NCAM2: variants seen among roughly 807,000 people sequenced by gnomAD.
The protein encoded by NCAM2 is N-CAM-2.
A neutral mutation model predicts 98.1 loss-of-function variants in NCAM2; 30 were observed. The ratio of observed to expected loss-of-function variants is 0.31; its 90% CI spans 0.23 to 0.41. The LOEUF is 0.41. Ranked by LOEUF, NCAM2 falls within the 10% of genes least tolerant of loss-of-function variation. The pLI is 1.00. For missense variants in NCAM2, 867 were observed against 1,005.8 expected, an observed-to-expected ratio of 0.86 and a Z score of 1.87; for synonymous variants, 368 against 342.4, an observed-to-expected ratio of 1.07 and a Z score of -0.83.
At chr21:21,108,920 G>T (rs941376080) in intron 1 of NCAM2, among the ~76,000 whole-genome samples, 2 of 152,046 alleles carry the variant, frequency 1.3e-5, no homozygotes, top group African/African-American at 4.8e-5. Context: ...TAACTCTCGG[G>T]TATCACCATA....
chr21:21,136,371 C>G (rs2067049778), intron 1 of NCAM2, among the ~76,000 whole-genome samples: 1 of 152,128 alleles, frequency 6.6e-6, no homozygotes, highest in Non-Finnish European at 1.5e-5. Flanking sequence ...CTATAGAACA[C>G]CACAAATGAT....
chr21:21,142,377 GT>G (rs10686568), intron 1 of NCAM2, among the ~76,000 whole-genome samples: 45 of 107,178 alleles, frequency 4.2e-4, no homozygotes, highest in African/African-American at 1.1e-3. Context: ...TTTTTTTTAT[GT>G]TTTTTTTTTT....
At chr21:21,228,732 G>A (rs1285873901) in intron 1 of NCAM2, among the ~76,000 whole-genome samples, 2 of 151,368 alleles carry the variant, frequency 1.3e-5, no homozygotes, top group Non-Finnish European at 3.0e-5. Context: ...TATTACTTTG[G>A]AGATAGTATT....
At chr21:21,293,610 G>A (rs1213028085) in intron 5 of NCAM2, among the ~76,000 whole-genome samples, 1 of 150,890 alleles carries the variant, frequency 6.6e-6, no homozygotes, top group Admixed American at 6.7e-5. Context: ...CCTTCAGTGC[G>A]GGAGGAAGAT....
At chr21:21,259,719 A>G (rs762342648) in intron 1 of NCAM2, among the ~76,000 whole-genome samples, 2 of 152,048 alleles carry the variant, frequency 1.3e-5, no homozygotes, top group African/African-American at 4.8e-5. Context: ...TTAAATGTAC[A>G]ATGGATTGCT....
chr21:21,321,228 G>A (rs2074366558), intron 5 of NCAM2, among the ~76,000 whole-genome samples: 2 of 152,054 alleles, frequency 1.3e-5, no homozygotes, highest in Non-Finnish European at 2.9e-5. Flanking sequence ...AGAAATGTCT[G>A]TTCATGTCAT....
chr21:21,303,437 A>G (rs1021063888), intron 5 of NCAM2, among the ~76,000 whole-genome samples: 1 of 152,000 alleles, frequency 6.6e-6, no homozygotes, highest in African/African-American at 2.4e-5. Flanking sequence ...CATTTATGTT[A>G]TCCCATGCCA....
chr21:21,064,979 A>G (rs891678167), intron 1 of NCAM2, among the ~76,000 whole-genome samples: 1 of 152,160 alleles, frequency 6.6e-6, no homozygotes, highest in African/African-American at 2.4e-5. Context: ...CAGGAGTTCA[A>G]GAGCAGCCTG....
chr21:21,509,151 G>T lies in NCAM2; in HGVS notation c.2282+96G>T, dbSNP rs552386675. ...GGGCGTTGTAGGGTAAAGGAGTAGG[G>T]TAAAGAGTTTGATTATGCAACATTG... On this transcript the variant is annotated intron_variant, in intron 16 of 17. Transcript: ENST00000400546. 24 of 1,201,422 alleles carry T rather than the reference G, an allele frequency of 2.0e-5. No individual in the cohort carries two copies. In the African/African-American group the frequency reaches 3.3e-4, roughly 17 times the overall value. The allele number at this position is 1,201,422 out of a possible 1,614,324, so 74.4% of individuals were successfully genotyped here. A position where few individuals can be genotyped will look rare whatever the true frequency, so the allele number is the denominator to read the frequency against.
At chr21:21,067,886 A>C (rs1245392378) in intron 1 of NCAM2, among the ~76,000 whole-genome samples, 1 of 152,126 alleles carries the variant, frequency 6.6e-6, no homozygotes, top group Non-Finnish European at 1.5e-5. Flanking sequence ...GTTATAATAG[A>C]GATGGATGAT....
intron 1 of NCAM2, among the ~76,000 whole-genome samples, chr21:21,267,670 A>G (rs11909030): frequency 0.43 from 65,872 of 151,980 alleles, 15,300 homozygotes; most frequent in Non-Finnish European, 0.53. Context: ...ACAAACAAAA[A>G]TTACATACAT....
intron 15 of NCAM2, among the ~76,000 whole-genome samples, chr21:21,505,910 G>C (rs1264698535): frequency 6.6e-6 from 1 of 151,620 alleles, no homozygotes; most frequent in African/African-American, 2.4e-5. Flanking sequence ...TATTATTACT[G>C]TCTCCATTTT....
At chr21:21,411,436 CTT>C (rs2076885947) in intron 10 of NCAM2, among the ~76,000 whole-genome samples, 1 of 150,644 alleles carries the variant, frequency 6.6e-6, no homozygotes, top group South Asian at 2.1e-4. Flanking sequence ...TGTTCAGTAT[CTT>C]TTGTTTTATT....
intron 5 of NCAM2, among the ~76,000 whole-genome samples, chr21:21,294,579 G>A (rs2826772): frequency 0.021 from 3,255 of 151,534 alleles, 55 homozygotes; most frequent in East Asian, 0.045. Flanking sequence ...TCACAAACTC[G>A]CGTAGCTTAA....
At chr21:21,167,229 C>T (rs11909114) in intron 1 of NCAM2, among the ~76,000 whole-genome samples, 69,756 of 151,452 alleles carry the variant, frequency 0.46, 16,831 homozygotes, top group South Asian at 0.6. Flanking sequence ...TCTCTCTCAC[C>T]CTCCCCTTGA....
chr21:21,002,377 A>T (rs1230215169), intron 1 of NCAM2, among the ~76,000 whole-genome samples: 1 of 152,170 alleles, frequency 6.6e-6, no homozygotes, highest in African/African-American at 2.4e-5. Context: ...AACCTCATTC[A>T]GTACCAAAAG....
rs79828538 is a variant in NCAM2, at chr21:21,206,977, A to G, written c.56-73601A>G. Among the ~76,000 whole-genome samples the G allele has an allele frequency of 1.4e-3, 206 of 152,270 alleles. 5 individuals are homozygous for G. The East Asian group carries it at 0.036, about 27-fold the overall frequency. ...TGGCCAATATCCTTTTCTTTAGACT[A>G]TACAAGGTATTTATCAGTATCTCAA... On this transcript the variant is annotated intron_variant, in intron 1 of 17. Transcript: ENST00000400546.
intron 15 of NCAM2, among the ~76,000 whole-genome samples, chr21:21,486,627 G>A (rs1459474973): frequency 6.6e-6 from 1 of 152,104 alleles, no homozygotes; most frequent in African/African-American, 2.4e-5. Context: ...AGACATTTCT[G>A]TGAGAATTTC....
rs572200472 is a variant in NCAM2, at chr21:21,529,167, G to A, written c.2283-5370G>A. Among the ~76,000 whole-genome samples the A allele has an allele frequency of 3.3e-5, 5 of 152,084 alleles. No homozygotes were observed. The South Asian group carries it at 1.0e-3, about 32-fold the overall frequency. On this transcript the variant is annotated intron_variant, in intron 16 of 17. Coordinates refer to ENST00000400546, the MANE Select transcript of NCAM2 (RefSeq NM_004540.5). Reference sequence around the variant, plus strand: ...CCCTTATGAAAGTATCATGACAGTAGGATCCAATGGTTATTGTGAGTGAAA... The same window carrying A: ...CCCTTATGAAAGTATCATGACAGTAAGATCCAATGGTTATTGTGAGTGAAA...
Sources: gnomAD v4.1 joint callset for allele counts (sites outside exome capture counted in the v4.1 genomes callset) on GRCh38, gnomAD v4.1.1 for gene constraint, MANE v1.5 for transcripts, NCBI Gene and HGNC (gene_info 2026-07-23, HGNC 2026-07-21) for gene names.